NLGN1: variants seen among roughly 807,000 people sequenced by gnomAD.
NLGN1 encodes neuroligin 1, also known as neuroligin-1.
A neutral mutation model predicts 65.5 loss-of-function variants in NLGN1; 12 were observed. The ratio of observed to expected loss-of-function variants is 0.18; its 90% CI spans 0.12 to 0.30. The LOEUF is 0.30. Among genes scored for constraint, NLGN1 ranks in the 10% least tolerant of loss-of-function variants. NLGN1 has a pLI of 1.00. For synonymous variants in NLGN1, 350 were observed against 359.5 expected (o/e 0.97, Z 0.30); for missense variants, 750 against 1,007.1 (o/e 0.74, Z 3.46).
intron 1 of NLGN1, among the ~76,000 whole-genome samples, chr3:173,417,482 A>C (rs1204481331): frequency 6.6e-6 from 1 of 151,882 alleles, no homozygotes; most frequent in Non-Finnish European, 1.5e-5. Flanking sequence ...TTTTTACTTT[A>C]ATGGAAACAA....
At chr3:173,567,516 T>C (rs1743886075) in intron 2 of NLGN1, among the ~76,000 whole-genome samples, 1 of 151,874 alleles carries the variant, frequency 6.6e-6, no homozygotes, top group Admixed American at 6.6e-5. Flanking sequence ...GGAATTCAAA[T>C]GCATATATTT....
intron 2 of NLGN1, among the ~76,000 whole-genome samples, chr3:173,602,775 C>T (rs1577481407): frequency 6.6e-6 from 1 of 152,014 alleles, no homozygotes; most frequent in East Asian, 1.9e-4. Context: ...TGCAAAGACT[C>T]ATTCATGCTG....
chr3:173,874,001 G>C (rs1342217916), intron 4 of NLGN1, among the ~76,000 whole-genome samples: 1 of 152,208 alleles, frequency 6.6e-6, no homozygotes, highest in Non-Finnish European at 1.5e-5. Flanking sequence ...GGGCAGCCAT[G>C]TGAGGACACA....
intron 4 of NLGN1, among the ~76,000 whole-genome samples, chr3:174,198,062 T>C (rs184599666): frequency 7.2e-5 from 11 of 152,308 alleles, no homozygotes; most frequent in African/African-American, 2.6e-4. Flanking sequence ...TGATTGTTAC[T>C]ATGTTTATAT....
intron 2 of NLGN1, among the ~76,000 whole-genome samples, chr3:173,443,603 T>C (rs893701961): frequency 1.3e-5 from 2 of 152,118 alleles, no homozygotes; most frequent in African/African-American, 2.4e-5. Context: ...ACTTAGACTT[T>C]TGGTATTTAA....
chr3:174,067,998 G>A (rs1739011826), intron 4 of NLGN1, among the ~76,000 whole-genome samples: 1 of 152,146 alleles, frequency 6.6e-6, no homozygotes, highest in Non-Finnish European at 1.5e-5. Flanking sequence ...TGGGAAGTAG[G>A]TGAGGCTGGA....
intron 4 of NLGN1, among the ~76,000 whole-genome samples, chr3:173,991,132 T>C (rs762067507): frequency 6.6e-6 from 1 of 152,144 alleles, no homozygotes; most frequent in Admixed American, 6.6e-5. Context: ...TTTCAACAAA[T>C]GTATGACATA....
intron 4 of NLGN1, among the ~76,000 whole-genome samples, chr3:174,043,761 A>C (rs1732888741): frequency 6.6e-6 from 1 of 152,272 alleles, no homozygotes; most frequent in South Asian, 2.1e-4. Flanking sequence ...TGGTGGATCC[A>C]CCATTCTGGA....
intron 2 of NLGN1, among the ~76,000 whole-genome samples, chr3:173,538,855 G>A (rs1737904659): frequency 6.7e-6 from 1 of 148,358 alleles, no homozygotes; most frequent in Admixed American, 6.9e-5. Flanking sequence ...ACATTTACAT[G>A]GAGCAAATAT....
chr3:173,764,700 G>C (rs1019569604), intron 3 of NLGN1, among the ~76,000 whole-genome samples: 1 of 152,082 alleles, frequency 6.6e-6, no homozygotes, highest in African/African-American at 2.4e-5. Flanking sequence ...CTCATTAAAT[G>C]GGTAGTAGAA....
At chr3:173,517,805 ATCTATCTG>A (rs1408487891) in intron 2 of NLGN1, among the ~76,000 whole-genome samples, 8 of 143,486 alleles carry the variant, frequency 5.6e-5, no homozygotes, top group Admixed American at 1.4e-4. Context: ...TATCTATCAT[ATCTATCTG>A]TCATCTATCT....
intron 2 of NLGN1, among the ~76,000 whole-genome samples, chr3:173,444,262 T>A (rs1719746803): frequency 6.6e-6 from 1 of 152,206 alleles, no homozygotes; most frequent in Admixed American, 6.5e-5. Context: ...GTTTTATGCC[T>A]AGATAAAACG....
intron 3 of NLGN1, among the ~76,000 whole-genome samples, chr3:173,663,059 A>G (rs1261981055): frequency 6.6e-6 from 1 of 151,984 alleles, no homozygotes; most frequent in African/African-American, 2.4e-5. Context: ...ATTATTTTCC[A>G]TTTCAAAATT....
chr3:173,945,090 C>A (rs537713584), intron 4 of NLGN1, among the ~76,000 whole-genome samples: 4 of 152,012 alleles, frequency 2.6e-5, no homozygotes, highest in Non-Finnish European at 2.9e-5. Context: ...CTTCATTTGA[C>A]CTGATTTGAA....
chr3:173,867,884 T>G (rs1430006042), intron 4 of NLGN1, among the ~76,000 whole-genome samples: 1 of 152,120 alleles, frequency 6.6e-6, no homozygotes, highest in African/African-American at 2.4e-5. Flanking sequence ...TTTTTGTTGT[T>G]GTTTGAATTG....
intron 4 of NLGN1, among the ~76,000 whole-genome samples, chr3:174,159,435 A>G (rs1329857311): frequency 4.0e-5 from 6 of 151,784 alleles, no homozygotes; most frequent in Admixed American, 2.0e-4. Context: ...GTCATATTAT[A>G]TTCACTAAAC....
At chr3:174,020,180 A>G (rs780599865) in intron 4 of NLGN1, among the ~76,000 whole-genome samples, 1 of 152,122 alleles carries the variant, frequency 6.6e-6, no homozygotes, top group Non-Finnish European at 1.5e-5. Flanking sequence ...ATCATGTGTA[A>G]TTTGTCTCAA....
At chr3:174,160,761 CA>C (rs1160771561) in intron 4 of NLGN1, among the ~76,000 whole-genome samples, 3 of 151,294 alleles carry the variant, frequency 2.0e-5, no homozygotes, top group African/African-American at 7.3e-5. Flanking sequence ...TTCATCCCCC[CA>C]AGCATTTATC....
intron 3 of NLGN1, among the ~76,000 whole-genome samples, chr3:173,620,395 C>T (rs1753802129): frequency 6.6e-6 from 1 of 152,138 alleles, no homozygotes; most frequent in South Asian, 2.1e-4. Flanking sequence ...CTGTCCAGTA[C>T]CTTCCTCCTT....
Sources: gnomAD v4.1 joint callset for allele counts (sites outside exome capture counted in the v4.1 genomes callset) on GRCh38, gnomAD v4.1.1 for gene constraint, MANE v1.5 for transcripts, NCBI Gene and HGNC (gene_info 2026-07-23, HGNC 2026-07-21) for gene names.